TPCN2: variants seen among roughly 807,000 people sequenced by gnomAD.
TPCN2 encodes the protein two pore segment channel 2.
A neutral mutation model predicts 111.4 loss-of-function variants in TPCN2; 92 were observed. The ratio of observed to expected loss-of-function variants is 0.83; its 90% CI spans 0.70 to 0.98. TPCN2 has a LOEUF of 0.98. TPCN2 is among the 50% of genes least tolerant of loss of function. The pLI, the probability that TPCN2 is intolerant of heterozygous loss-of-function variation, is 0.00. For synonymous variants in TPCN2, 405 were observed against 414.5 expected (o/e 0.98, Z 0.28); for missense variants, 995 against 980.1 (o/e 1.02, Z -0.20).
At chr11:69,065,447 A>C (rs952646761) in intron 7 of TPCN2, among the ~76,000 whole-genome samples, 2 of 152,180 alleles carry the variant, frequency 1.3e-5, no homozygotes, top group Non-Finnish European at 2.9e-5. Context: ...TGCCCCACGA[A>C]GGGGACCTAG....
intron 1 of TPCN2, among the ~76,000 whole-genome samples, chr11:69,049,761 C>T (rs4930259): frequency 0.84 from 128,130 of 152,150 alleles, 56,279 homozygotes; most frequent in Non-Finnish European, 0.99. Flanking sequence ...CTGCCCTTCC[C>T]GTTTTTTGTC....
intron 5 of TPCN2, among the ~76,000 whole-genome samples, chr11:69,059,724 G>A (rs187881972): frequency 5.3e-4 from 80 of 152,358 alleles, no homozygotes; most frequent in African/African-American, 1.7e-3. Context: ...TCCTGGGATG[G>A]TGCTGGGAGA....
intron 16 of TPCN2, chr11:69,079,241 A>C: frequency 1.7e-6 from 1 of 578,336 alleles, no homozygotes; most frequent in Non-Finnish European, 2.9e-6. Context: ...TCCGAGTGTC[A>C]TGGGGGGCAG....
intron 17 of TPCN2, 88 bp downstream of exon 17, chr11:69,079,971 G>A: frequency 7.8e-7 from 1 of 1,283,326 alleles, no homozygotes; most frequent in Non-Finnish European, 1.1e-6. Flanking sequence ...TGTCCAGGGG[G>A]CTGGGTCTGC....
At chr11:69,087,737 A>T (rs1393488637) in intron 24 of TPCN2, 138 bp from the exon 25 acceptor site, 3 of 640,038 alleles carry the variant, frequency 4.7e-6, no homozygotes, top group South Asian at 4.0e-5. Context: ...CCTGAGGCTC[A>T]TCTGAGTCCC....
chr11:69,086,831 T>TC (rs1856297806), intron 23 of TPCN2, among the ~76,000 whole-genome samples: 1 of 148,830 alleles, frequency 6.7e-6, no homozygotes, highest in Non-Finnish European at 1.5e-5. Flanking sequence ...GCTGGGGCCT[T>TC]GGGGGGTGCT....
intron 8 of TPCN2, 48 bp downstream of exon 8, chr11:69,067,653 C>T (rs772289482): frequency 9.5e-6 from 15 of 1,584,628 alleles, no homozygotes; most frequent in Non-Finnish European, 1.2e-5. Context: ...GAGCCCAGCA[C>T]TGGGGGGCCG....
At chr11:69,076,065 C>T (rs1054821518) in intron 13 of TPCN2, among the ~76,000 whole-genome samples, 1 of 152,182 alleles carries the variant, frequency 6.6e-6, no homozygotes, top group African/African-American at 2.4e-5. Context: ...GCAGTGGCAA[C>T]TACGATAAAA....
intron 1 of TPCN2, among the ~76,000 whole-genome samples, chr11:69,049,926 C>T (rs1309920946): frequency 1.3e-5 from 2 of 152,220 alleles, no homozygotes; most frequent in Non-Finnish European, 2.9e-5. Context: ...CTGAGACCTG[C>T]CCAAGGTCAC....
chr11:69,072,842 G>A, intron 12 of TPCN2, 73 bp from the exon 13 acceptor site: 1 of 1,525,108 alleles, frequency 6.6e-7, no homozygotes, highest in South Asian at 1.1e-5. Flanking sequence ...TGGGGTTGGG[G>A]CTGGGGGCGC....
chr11:69,055,728 T>C (rs1384973348), intron 4 of TPCN2, among the ~76,000 whole-genome samples: 1 of 152,102 alleles, frequency 6.6e-6, no homozygotes, highest in East Asian at 1.9e-4. Context: ...CTCTCCTCCC[T>C]CTCCACCATG....
rs963818965 is a variant in TPCN2, at chr11:69,065,689, C to T, written c.726+1722C>T. Among the ~76,000 whole-genome samples the T allele has an allele frequency of 6.6e-5, 10 of 152,326 alleles. No individual in the cohort carries two copies. The South Asian group carries it at 1.2e-3, about 19-fold the overall frequency. On this transcript the variant is annotated intron_variant, in intron 7 of 24. Transcript: ENST00000294309. ...CTACCTTTGTGAGTGCGGTCCAGAG[C>T]CAGCCTGCTTGTCCTCTGCTGGCTT...
rs906489741 is a variant in TPCN2 at position 69,071,947 on chromosome 11, C to G, written c.985C>G (p.Arg329Gly). 1 of 1,614,024 alleles carries G rather than the reference C, an allele frequency of 6.2e-7. No homozygotes were observed. The change falls in exon 11 of 25, where the codon CGG (arginine) becomes GGG (glycine). Residue 329 changes from arginine (R) to glycine (G), a missense_variant. Coordinates refer to ENST00000294309, the MANE Select transcript of TPCN2 (RefSeq NM_139075.4). ...LMKSLQTSLF[R>G]RRLGTRAAFE... Reference sequence around the variant, plus strand: ...GAAATCTCTCCAGACCTCGCTGTTTCGGAGGCGGCTGGGAACCCGGGCTGC... The same window carrying G: ...GAAATCTCTCCAGACCTCGCTGTTTGGGAGGCGGCTGGGAACCCGGGCTGC...
rs796523737 is a variant in TPCN2 at position 69,089,677 on chromosome 11, C to T, written c.*1724C>T. The T allele has an allele frequency of 7.9e-5, 12 of 152,318 alleles. No homozygotes were observed. The East Asian group carries it at 1.9e-3, about 24-fold the overall frequency. 9.4% of individuals were successfully genotyped at this position (152,318 alleles called of 1,614,324 possible). On this transcript the variant is annotated 3_prime_UTR_variant, in exon 25 of 25. Transcript: ENST00000294309. ...GTTGCTTGGTGAAGGTGGCCCTGGT[C>T]AGCTTCTCCACTGCCCAGTGAACGA...
intron 1 of TPCN2, 30 bp from the exon 2 acceptor site, chr11:69,054,003 G>C: frequency 6.2e-7 from 1 of 1,601,704 alleles, no homozygotes; most frequent in Non-Finnish European, 8.6e-7. Context: ...CATCCTGCTC[G>C]GTCACCTGAT....
chr11:69,085,750 G>C lies in TPCN2; in HGVS notation c.1918G>C (p.Ala640Pro), dbSNP rs774151767. The change falls in exon 21 of 25, where the codon GCG becomes CCG. Residue 640 changes from alanine to proline, a missense_variant and splice_region_variant. Ala to Pro is a conservative substitution (Grantham distance 27). Coordinates refer to ENST00000294309, the MANE Select transcript of TPCN2 (RefSeq NM_139075.4). ...CTGGGCCAACAACTTCGATGACTTT[G>C]CGGTGAGCCCTGCGCCCTGTCCCAG... ...EYWANNFDDF[A>P]AALVTLWNLM... is the part of the protein sequence containing the mutation. The C allele has an allele frequency of 6.2e-7, 1 of 1,614,112 alleles. No individual in the cohort carries two copies. The highest frequency in any genetic ancestry group is 8.5e-7 in the Non-Finnish European group (1 of 1,179,978).
intron 18 of TPCN2, among the ~76,000 whole-genome samples, chr11:69,082,587 G>A (rs373247625): frequency 1.3e-5 from 2 of 148,376 alleles, no homozygotes; most frequent in African/African-American, 5.0e-5. Context: ...TGCACACATC[G>A]CATGCAGATA....
chr11:69,060,528 G>A (rs1024702032), intron 5 of TPCN2, among the ~76,000 whole-genome samples: 3 of 152,218 alleles, frequency 2.0e-5, no homozygotes, highest in Admixed American at 6.5e-5. Flanking sequence ...CTGTTTGGAC[G>A]TGGTTTTTCC....
intron 19 of TPCN2, among the ~76,000 whole-genome samples, chr11:69,084,497 G>A (rs1471845762): frequency 2.6e-5 from 4 of 152,210 alleles, no homozygotes; most frequent in African/African-American, 7.2e-5. Flanking sequence ...CCCTCCCTGG[G>A]GGCCAGCCTT....
Sources: allele counts gnomAD v4.1 joint callset (sites outside exome capture counted in the v4.1 genomes callset), GRCh38; gene constraint gnomAD v4.1.1; transcripts MANE v1.5; gene names NCBI Gene and HGNC (gene_info 2026-07-23, HGNC 2026-07-21).